CECR2: variants seen among roughly 807,000 people sequenced by gnomAD.
CECR2 encodes the protein chromatin remodeling regulator CECR2.
A neutral mutation model predicts 154.5 loss-of-function variants in CECR2; 30 were observed. The observed-to-expected ratio is 0.19, with a 90% CI of 0.15 to 0.26. The LOEUF is 0.26. CECR2 is among the 10% of genes least tolerant of loss of function. The pLI is 1.00. For synonymous variants in CECR2, 725 were observed against 683.7 expected (o/e 1.06, Z -0.94); for missense variants, 1,743 against 1,829.3 (o/e 0.95, Z 0.86).
intron 1 of CECR2, among the ~76,000 whole-genome samples, chr22:17,420,130 T>C (rs1290933700): frequency 1.3e-5 from 2 of 152,206 alleles, no homozygotes; most frequent in Non-Finnish European, 2.9e-5. Context: ...GTCTACATAG[T>C]AGTAATCCTT....
chr22:17,380,304 T>A (rs755688753), intron 1 of CECR2, among the ~76,000 whole-genome samples: 5 of 152,228 alleles, frequency 3.3e-5, no homozygotes, highest in Non-Finnish European at 5.9e-5. Flanking sequence ...TCGTTAGCCA[T>A]ACACTCATTT....
At chr22:17,375,594 G>A (rs1354321655) in intron 1 of CECR2, among the ~76,000 whole-genome samples, 2 of 152,166 alleles carry the variant, frequency 1.3e-5, no homozygotes, top group Non-Finnish European at 2.9e-5. Flanking sequence ...GTGAGGTGTA[G>A]ATTGTTGCTG....
intron 1 of CECR2, among the ~76,000 whole-genome samples, chr22:17,381,900 T>C (rs565862754): frequency 2.4e-4 from 36 of 151,712 alleles, no homozygotes; most frequent in Admixed American, 7.2e-4. Flanking sequence ...TTTTTTTGTT[T>C]TTTTTGAGAC....
chr22:17,471,898 A>T (rs978982839), intron 1 of CECR2, among the ~76,000 whole-genome samples: 3 of 152,090 alleles, frequency 2.0e-5, no homozygotes, highest in Non-Finnish European at 2.9e-5. Context: ...TAACTTCTGG[A>T]GACAGTTTTA....
chr22:17,507,410 T>C (rs1442484195), intron 7 of CECR2, among the ~76,000 whole-genome samples: 1 of 152,222 alleles, frequency 6.6e-6, no homozygotes, highest in East Asian at 1.9e-4. Flanking sequence ...AATCTAATTT[T>C]CTTAAAGTAA....
At chr22:17,543,107 C>A in intron 16 of CECR2, 104 bp downstream of exon 16, 1 of 1,303,618 alleles carries the variant, frequency 7.7e-7, no homozygotes, top group Non-Finnish European at 1.0e-6. Context: ...GCCTCTCTTT[C>A]TTTGTTTATT....
At chr22:17,437,142 G>A (rs957102649) in intron 1 of CECR2, among the ~76,000 whole-genome samples, 1 of 152,116 alleles carries the variant, frequency 6.6e-6, no homozygotes, top group African/African-American at 2.4e-5. Context: ...CTCTGCTCGA[G>A]TGTTAGTGCC....
chr22:17,438,697 ATTC>A (rs942506189), intron 1 of CECR2, among the ~76,000 whole-genome samples: 12 of 152,176 alleles, frequency 7.9e-5, no homozygotes, highest in South Asian at 4.2e-4. Flanking sequence ...GCCCAAAACA[ATTC>A]TTCTTCAAGT....
chr22:17,546,380 G>A (rs934943887), intron 16 of CECR2, among the ~76,000 whole-genome samples: 8 of 151,812 alleles, frequency 5.3e-5, no homozygotes, highest in African/African-American at 9.7e-5. Flanking sequence ...CAGCTACTCC[G>A]GAGGCTGAGG....
intron 1 of CECR2, among the ~76,000 whole-genome samples, chr22:17,433,755 TCA>T (rs1313477703): frequency 6.6e-6 from 1 of 152,170 alleles, no homozygotes; most frequent in African/African-American, 2.4e-5. Context: ...CCTCCTATCT[TCA>T]CAGTGTTACT....
At position 17,554,250 on chromosome 22, in the gene CECR2, A is replaced by G. The variant is rs1184902028; in HGVS notation, c.*1410A>G. On this transcript the variant is annotated 3_prime_UTR_variant, in exon 19 of 19. Coordinates refer to ENST00000262608, the MANE Select transcript of CECR2 (RefSeq NM_001290047.2). ...TAAACTTTTGAATATTCCACAAAAGAAAAAACTAAGGAAAATACTGAAATT... is the reference window on the plus strand; with the variant it reads ...TAAACTTTTGAATATTCCACAAAAGGAAAAACTAAGGAAAATACTGAAATT... 6 of 152,224 alleles carry G rather than the reference A, an allele frequency of 3.9e-5. No homozygotes were observed. The highest frequency in any genetic ancestry group is 9.7e-5 in the African/African-American group (4 of 41,450). The allele number at this position is 152,224 out of a possible 1,614,324, so 9.4% of individuals were successfully genotyped here. A position where few individuals can be genotyped will look rare whatever the true frequency, so the allele number is the denominator to read the frequency against.
Position 17,552,870 on chromosome 22 carries a change from G to A in CECR2, c.*30G>A. 6.5e-7 allele frequency: 1 copy of A among 1,540,974 alleles called. No individual in the cohort carries two copies. Among genetic ancestry groups the A allele is most frequent in the Non-Finnish European group, 8.8e-7 (1 of 1,141,370 alleles). On this transcript the variant is annotated 3_prime_UTR_variant, in exon 19 of 19. Coordinates refer to ENST00000262608, the MANE Select transcript of CECR2 (RefSeq NM_001290047.2). Reference sequence around the variant, plus strand: ...AGGAGGAAATGAGCCCCAAGCAATGGAAAGCTGCACACGAAGACTGGAATG... The same window carrying A: ...AGGAGGAAATGAGCCCCAAGCAATGAAAAGCTGCACACGAAGACTGGAATG...
chr22:17,549,511 T>C lies in CECR2; in HGVS notation c.4224T>C (p.Ile1408=), dbSNP rs2056672806. 1 of 1,607,060 alleles carries C rather than the reference T, an allele frequency of 6.2e-7. No individual in the cohort carries two copies. The highest frequency in any genetic ancestry group is 8.5e-7 in the Non-Finnish European group (1 of 1,176,812). ...TTCAAGCTGTGATGATGGAACAAAT[T>C]GGCACTAGAAGTGGAATAAGAGGAC... The part of the protein sequence containing the change: ...GHFQAVMMEQ[I]GTRSGIRGPF... The change falls in exon 17 of 19, where the codon ATT becomes ATC. Residue 1408 remains isoleucine, a synonymous_variant. Transcript: ENST00000262608.
intron 8 of CECR2, among the ~76,000 whole-genome samples, chr22:17,521,323 G>A (rs1223541089): frequency 6.6e-6 from 1 of 152,108 alleles, no homozygotes; most frequent in Non-Finnish European, 1.5e-5. Flanking sequence ...GGAGGATCAC[G>A]AGGTCAGGAG....
intron 1 of CECR2, among the ~76,000 whole-genome samples, chr22:17,441,811 A>G (rs139206225): frequency 6.6e-6 from 1 of 152,262 alleles, no homozygotes; most frequent in Non-Finnish European, 1.5e-5. Flanking sequence ...TTTATGAAAC[A>G]GAATTTACAG....
At chr22:17,481,483 A>G (rs917489625) in intron 2 of CECR2, among the ~76,000 whole-genome samples, 12 of 152,212 alleles carry the variant, frequency 7.9e-5, no homozygotes, top group African/African-American at 2.4e-4. Context: ...ATCATGAAAC[A>G]CTATGCCTAG....
At chr22:17,544,085 A>T (rs1435316512) in intron 16 of CECR2, among the ~76,000 whole-genome samples, 1 of 152,198 alleles carries the variant, frequency 6.6e-6, no homozygotes, top group Non-Finnish European at 1.5e-5. Context: ...TCAGCCGGGC[A>T]GTAGTTTTGG....
intron 2 of CECR2, among the ~76,000 whole-genome samples, chr22:17,492,123 T>G (rs116299564): frequency 0.015 from 2,259 of 152,354 alleles, 21 homozygotes; most frequent in African/African-American, 0.025. Flanking sequence ...TCAGTACTTA[T>G]GTTAAACGTG....
At chr22:17,503,002 G>A (rs2055766469) in intron 5 of CECR2, 80 bp from the exon 6 acceptor site, 2 of 1,259,202 alleles carry the variant, frequency 1.6e-6, no homozygotes, top group Admixed American at 2.0e-5. Context: ...AAATTAATGG[G>A]TTCTACCATC....
Sources: allele counts gnomAD v4.1 joint callset (sites outside exome capture counted in the v4.1 genomes callset), GRCh38; gene constraint gnomAD v4.1.1; transcripts MANE v1.5; gene names NCBI Gene and HGNC (gene_info 2026-07-23, HGNC 2026-07-21).